Variants in LRMDA observed in about 807,000 individuals in gnomAD.
The protein encoded by LRMDA is leucine-rich melanocyte differentiation-associated protein.
Under a neutral mutation model 29.8 loss-of-function variants are expected in LRMDA, and 18 were observed. The ratio of observed to expected loss-of-function variants is 0.60; its 90% CI spans 0.42 to 0.90. The LOEUF is 0.90. Among genes scored for constraint, LRMDA ranks in the 40% least tolerant of loss-of-function variants. The pLI is 0.00. For missense variants in LRMDA, 273 were observed against 273.9 expected, an observed-to-expected ratio of 1.00 and a Z score of 0.02; for synonymous variants, 125 against 109.4, an observed-to-expected ratio of 1.14 and a Z score of -0.89.
At position 76,478,068 on chromosome 10, in the gene LRMDA, C is replaced by A. The variant is rs186424779; in HGVS notation, c.602-79141C>A. ...TTGAGAAATGGGATCTAATTAAACT[C>A]AAGAGCTTCTGCACAGCAAAAGAAA... On this transcript the variant is annotated intron_variant, in intron 6 of 6. Transcript: ENST00000611255. 6.7e-3 allele frequency among the ~76,000 whole-genome samples: 1,016 copies of A among 152,034 alleles called. 14 individuals are homozygous for A. The highest frequency in any genetic ancestry group is 0.024 in the African/African-American group (981 of 41,514).
chr10:75,583,118 G>A (rs745864837), intron 2 of LRMDA, among the ~76,000 whole-genome samples: 4 of 152,130 alleles, frequency 2.6e-5, no homozygotes, highest in African/African-American at 4.8e-5. Flanking sequence ...TTATCTTTCT[G>A]TCTTCTTCTG....
At chr10:76,160,071 G>A (rs1850615965) in intron 5 of LRMDA, among the ~76,000 whole-genome samples, 1 of 152,064 alleles carries the variant, frequency 6.6e-6, no homozygotes, top group Non-Finnish European at 1.5e-5. Flanking sequence ...TGTAACAATT[G>A]TGCCACTCTG....
intron 2 of LRMDA, among the ~76,000 whole-genome samples, chr10:75,503,583 G>A (rs962731442): frequency 6.6e-6 from 1 of 152,004 alleles, no homozygotes; most frequent in Non-Finnish European, 1.5e-5. Context: ...GTTTATAGAA[G>A]TTGCAATCCC....
chr10:76,006,198 C>A (rs1470211517), intron 2 of LRMDA, among the ~76,000 whole-genome samples: 1 of 152,068 alleles, frequency 6.6e-6, no homozygotes, highest in South Asian at 2.1e-4. Context: ...GAGTGTCCAC[C>A]CACTAATATA....
At chr10:75,690,014 C>T (rs941379617) in intron 2 of LRMDA, among the ~76,000 whole-genome samples, 4 of 152,048 alleles carry the variant, frequency 2.6e-5, no homozygotes, top group Non-Finnish European at 4.4e-5. Context: ...ACCTGCATGC[C>T]CATGGATATT....
At chr10:75,925,873 G>A (rs905536716) in intron 2 of LRMDA, among the ~76,000 whole-genome samples, 2 of 151,952 alleles carry the variant, frequency 1.3e-5, no homozygotes, top group African/African-American at 4.8e-5. Flanking sequence ...GGCTGGTCTC[G>A]AACTACGAAC....
intron 2 of LRMDA, among the ~76,000 whole-genome samples, chr10:75,836,488 A>G (rs1393995578): frequency 6.6e-6 from 1 of 152,186 alleles, no homozygotes; most frequent in African/African-American, 2.4e-5. Context: ...TGTTGTTGCT[A>G]AAGGGCAGTA....
chr10:75,978,800 C>A (rs186953305), intron 2 of LRMDA, among the ~76,000 whole-genome samples: 490 of 152,186 alleles, frequency 3.2e-3, no homozygotes, highest in African/African-American at 0.011. Flanking sequence ...ATATCAAACC[C>A]AGGATTTCAC....
chr10:76,028,060 C>T (rs1431832843), intron 2 of LRMDA, among the ~76,000 whole-genome samples: 1 of 152,078 alleles, frequency 6.6e-6, no homozygotes, highest in African/African-American at 2.4e-5. Context: ...TTAGTGGATG[C>T]AAAGGTAATT....
chr10:76,320,101 C>T (rs948946108), intron 5 of LRMDA, among the ~76,000 whole-genome samples: 2 of 152,188 alleles, frequency 1.3e-5, no homozygotes, highest in African/African-American at 4.8e-5. Context: ...TTGGTAATCA[C>T]CGAGTGAAAT....
Position 76,030,266 on chromosome 10 carries a change from A to G in LRMDA, c.132-5742A>G, listed in dbSNP as rs372176802. Among the ~76,000 whole-genome samples the G allele has an allele frequency of 1.9e-3, 290 of 151,440 alleles. 2 individuals carry two copies. Among genetic ancestry groups the G allele is most frequent in the African/African-American group, 6.2e-3 (252 of 40,964 alleles). On this transcript the variant is annotated intron_variant, in intron 2 of 6. Coordinates refer to ENST00000611255, the MANE Select transcript of LRMDA (RefSeq NM_001305581.2). ...TAATTATTTGTGTGTGTGTGTGTGT[A>G]TATATATGTATGGCTATGTGACTTG...
chr10:76,118,705 T>G (rs1487372493), intron 5 of LRMDA, among the ~76,000 whole-genome samples: 1 of 152,128 alleles, frequency 6.6e-6, no homozygotes, highest in Non-Finnish European at 1.5e-5. Context: ...GCCCTCTTAT[T>G]CCCTTTTGCA....
At chr10:75,608,331 G>A (rs1033055061) in intron 2 of LRMDA, among the ~76,000 whole-genome samples, 1 of 151,866 alleles carries the variant, frequency 6.6e-6, no homozygotes, top group Non-Finnish European at 1.5e-5. Flanking sequence ...GGGATGGGGG[G>A]CCAGGGAAAT....
intron 2 of LRMDA, among the ~76,000 whole-genome samples, chr10:75,602,092 G>A (rs1589199186): frequency 6.6e-6 from 1 of 152,102 alleles, no homozygotes; most frequent in East Asian, 1.9e-4. Context: ...CAAATCATGT[G>A]CCTCATGTTT....
At chr10:75,990,978 G>T (rs1476717873) in intron 2 of LRMDA, among the ~76,000 whole-genome samples, 1 of 152,152 alleles carries the variant, frequency 6.6e-6, no homozygotes, top group Non-Finnish European at 1.5e-5. Flanking sequence ...GATAGCAGTT[G>T]AACTTCCCTG....
chr10:75,782,694 A>T lies in LRMDA; in HGVS notation c.132-253314A>T, dbSNP rs1259308255. On this transcript the variant is annotated intron_variant, in intron 2 of 6. Coordinates refer to ENST00000611255, the MANE Select transcript of LRMDA (RefSeq NM_001305581.2). ...GCCGGTGCAGTTCCAAGTAGAGTCA[A>T]CATAAAGCCAGGCACTTGTGAGATG... 8.1e-6 allele frequency: 10 copies of T among 1,230,712 alleles called. No individual in the cohort carries two copies. The Admixed American group carries it at 2.8e-4, about 34-fold the overall frequency. 76.2% of individuals were successfully genotyped at this position (1,230,712 alleles called of 1,614,324 possible).
chr10:76,526,977 AAAATAAAT>A (rs199776614), intron 6 of LRMDA, among the ~76,000 whole-genome samples: 3,283 of 121,486 alleles, frequency 0.027, 110 homozygotes, highest in African/African-American at 0.085. Context: ...AAAGTATAAT[AAAATAAAT>A]AAATAAATAA....
At chr10:75,900,508 G>C (rs918929909) in intron 2 of LRMDA, among the ~76,000 whole-genome samples, 1 of 152,198 alleles carries the variant, frequency 6.6e-6, no homozygotes, top group African/African-American at 2.4e-5. Flanking sequence ...GTACATGATG[G>C]AGGAAACCCC....
chr10:76,016,173 G>T (rs1048887502), intron 2 of LRMDA, among the ~76,000 whole-genome samples: 1 of 152,142 alleles, frequency 6.6e-6, no homozygotes, highest in Non-Finnish European at 1.5e-5. Flanking sequence ...AAAAGCAACT[G>T]CAATGGAGGT....
Sources: gnomAD v4.1 joint callset for allele counts (sites outside exome capture counted in the v4.1 genomes callset) on GRCh38, gnomAD v4.1.1 for gene constraint, MANE v1.5 for transcripts, NCBI Gene and HGNC (gene_info 2026-07-23, HGNC 2026-07-21) for gene names.